PITPNC1: variants seen among roughly 807,000 people sequenced by gnomAD.
The protein encoded by PITPNC1 is cytoplasmic phosphatidylinositol transfer protein 1.
A neutral mutation model predicts 44.7 loss-of-function variants in PITPNC1; 18 were observed. That is an observed-to-expected ratio of 0.40 (90% CI 0.28 to 0.60). The LOEUF (loss-of-function observed/expected upper bound fraction) is 0.60. Among genes scored for constraint, PITPNC1 ranks in the 20% least tolerant of loss-of-function variants. The probability of loss-of-function intolerance (pLI) is 0.39; values close to 1 mark genes in which losing one functional copy is unlikely to be tolerated. For missense variants in PITPNC1, 290 were observed against 418.4 expected (o/e 0.69, Z 2.68); for synonymous variants, 141 against 149.6 (o/e 0.94, Z 0.42).
chr17:67,578,238 A>G lies in PITPNC1; in HGVS notation c.347A>G (p.Asn116Ser). The G allele has an allele frequency of 1.2e-6, 2 of 1,612,538 alleles. No individual in the cohort carries two copies. The highest frequency in any genetic ancestry group is 1.7e-6 in the Non-Finnish European group (2 of 1,178,916). ...CATATAGAAACCAAGTATGAGGACA[A>G]CAAAGGAAGCAATGACACCGTGAGT... is the stretch of plus-strand genomic sequence containing the variant. ...SIHIETKYED[N>S]KGSNDTIFDN... The change falls in exon 5 of 9, where the codon AAC (asparagine) becomes AGC (serine). Residue 116 changes from asparagine (N) to serine (S), a missense_variant. Asn to Ser is a conservative substitution (Grantham distance 46). Transcript: ENST00000581322.
At chr17:67,584,261 T>G (rs2041279966) in intron 5 of PITPNC1, among the ~76,000 whole-genome samples, 1 of 152,146 alleles carries the variant, frequency 6.6e-6, no homozygotes, top group Admixed American at 6.5e-5. Flanking sequence ...GGGTAACATA[T>G]GTGTTCTCAT....
intron 1 of PITPNC1, among the ~76,000 whole-genome samples, chr17:67,479,152 A>G (rs2039670637): frequency 6.6e-6 from 1 of 152,166 alleles, no homozygotes; most frequent in African/African-American, 2.4e-5. Flanking sequence ...CGTGTTTTCT[A>G]GTACCTGAGC....
chr17:67,395,126 A>AGAAAAGG (rs1310954217), intron 1 of PITPNC1, among the ~76,000 whole-genome samples: 1 of 152,056 alleles, frequency 6.6e-6, no homozygotes, highest in African/African-American at 2.4e-5. Context: ...TAGATGGCTG[A>AGAAAAGG]GAAAAGGGAT....
At chr17:67,446,219 A>G (rs2039091843) in intron 1 of PITPNC1, among the ~76,000 whole-genome samples, 1 of 151,954 alleles carries the variant, frequency 6.6e-6, no homozygotes, top group Non-Finnish European at 1.5e-5. Flanking sequence ...TGCTAGGATT[A>G]CAGGCGTGAG....
chr17:67,390,119 C>T (rs576039279), intron 1 of PITPNC1, among the ~76,000 whole-genome samples: 103 of 152,214 alleles, frequency 6.8e-4, no homozygotes, highest in African/African-American at 2.3e-3. Context: ...AAGTTACGGT[C>T]CCCGTCCATA....
intron 1 of PITPNC1, among the ~76,000 whole-genome samples, chr17:67,450,518 C>T (rs1454583838): frequency 6.6e-6 from 1 of 152,022 alleles, no homozygotes; most frequent in African/African-American, 2.4e-5. Context: ...CTCACCCTCT[C>T]CGGCTCAAGC....
intron 7 of PITPNC1, among the ~76,000 whole-genome samples, chr17:67,671,357 A>G (rs1286521427): frequency 6.6e-6 from 1 of 152,198 alleles, no homozygotes; most frequent in Admixed American, 6.5e-5. Flanking sequence ...AATTGTCTCT[A>G]CATTCCAGAT....
At chr17:67,429,221 A>G (rs1692515720) in intron 1 of PITPNC1, among the ~76,000 whole-genome samples, 2 of 152,150 alleles carry the variant, frequency 1.3e-5, no homozygotes, top group South Asian at 4.1e-4. Context: ...AGAAAAAAAG[A>G]AAGAAGAATA....
intron 5 of PITPNC1, among the ~76,000 whole-genome samples, chr17:67,629,444 G>T (rs2041938512): frequency 6.6e-6 from 1 of 152,108 alleles, no homozygotes; most frequent in Admixed American, 6.5e-5. Flanking sequence ...AGTAGGGACG[G>T]GGTTTCTCCA....
chr17:67,559,566 C>T (rs1417918051), intron 4 of PITPNC1, among the ~76,000 whole-genome samples: 4 of 152,162 alleles, frequency 2.6e-5, no homozygotes, highest in African/African-American at 7.2e-5. Flanking sequence ...CAATTAGGCA[C>T]GGGCCTGAAA....
At chr17:67,397,870 G>T (rs1019007386) in intron 1 of PITPNC1, among the ~76,000 whole-genome samples, 1 of 152,160 alleles carries the variant, frequency 6.6e-6, no homozygotes, top group East Asian at 1.9e-4. Context: ...GAGGCGGGCC[G>T]ATCACGAGGT....
chr17:67,419,043 T>G (rs1268940665), intron 1 of PITPNC1, among the ~76,000 whole-genome samples: 1 of 152,172 alleles, frequency 6.6e-6, no homozygotes, highest in African/African-American at 2.4e-5. Context: ...GTTACTTTTA[T>G]GAAAGCTCCC....
chr17:67,569,676 A>G (rs2041026025), intron 4 of PITPNC1, among the ~76,000 whole-genome samples: 2 of 152,226 alleles, frequency 1.3e-5, no homozygotes, highest in South Asian at 2.1e-4. Flanking sequence ...AGCAACACCT[A>G]TAAGATTCCT....
intron 1 of PITPNC1, among the ~76,000 whole-genome samples, chr17:67,486,784 C>T (rs2039783829): frequency 6.6e-6 from 1 of 152,130 alleles, no homozygotes; most frequent in East Asian, 1.9e-4. Context: ...TCTTGCCTTT[C>T]AGGGTGTCTC....
At chr17:67,405,667 G>A (rs1440900819) in intron 1 of PITPNC1, among the ~76,000 whole-genome samples, 2 of 149,512 alleles carry the variant, frequency 1.3e-5, no homozygotes, top group Non-Finnish European at 3.0e-5. Context: ...GTGTAGTGTC[G>A]TGATCTCAGC....
intron 1 of PITPNC1, among the ~76,000 whole-genome samples, chr17:67,498,751 G>A (rs1160010123): frequency 6.6e-6 from 1 of 151,948 alleles, no homozygotes. Flanking sequence ...ACGAGTGTGA[G>A]GTGATATCCC....
chr17:67,620,204 C>G (rs960227915), intron 5 of PITPNC1, among the ~76,000 whole-genome samples: 3 of 152,060 alleles, frequency 2.0e-5, no homozygotes, highest in African/African-American at 7.2e-5. Flanking sequence ...TAGATGCTTG[C>G]CACCACACCT....
chr17:67,554,400 GGTGT>G (rs2040808163), intron 4 of PITPNC1, among the ~76,000 whole-genome samples: 6 of 151,970 alleles, frequency 3.9e-5, no homozygotes, highest in African/African-American at 1.5e-4. Context: ...TGGGATTACA[GGTGT>G]GCACCACCAC....
At chr17:67,580,478 A>T (rs2041214725) in intron 5 of PITPNC1, among the ~76,000 whole-genome samples, 1 of 151,974 alleles carries the variant, frequency 6.6e-6, no homozygotes, top group Non-Finnish European at 1.5e-5. Context: ...CCCTACTGGG[A>T]CTACGGCACA....
Sources: gnomAD v4.1 joint callset for allele counts (sites outside exome capture counted in the v4.1 genomes callset) on GRCh38, gnomAD v4.1.1 for gene constraint, MANE v1.5 for transcripts, NCBI Gene and HGNC (gene_info 2026-07-23, HGNC 2026-07-21) for gene names.